IP6K2: variants seen among roughly 807,000 people sequenced by gnomAD.
The protein encoded by IP6K2 is inositol hexakisphosphate kinase 2, also known as ATP:1D-myo-inositol-hexakisphosphate phosphotransferase.
IP6K2 carries 9 observed loss-of-function variants against 43.3 expected under a neutral mutation model. The ratio of observed to expected loss-of-function variants is 0.21; its 90% CI spans 0.13 to 0.36. IP6K2 has a LOEUF of 0.36. Ranked by LOEUF, IP6K2 falls within the 10% of genes least tolerant of loss-of-function variation. The pLI, the probability that IP6K2 is intolerant of heterozygous loss-of-function variation, is 1.00. For synonymous variants in IP6K2, 209 were observed against 202.4 expected, an observed-to-expected ratio of 1.03 and a Z score of -0.28; for missense variants, 332 against 538.4, an observed-to-expected ratio of 0.62 and a Z score of 3.79.
At chr3:48,710,068 G>A (rs978089347) in intron 1 of IP6K2, among the ~76,000 whole-genome samples, 1 of 152,174 alleles carries the variant, frequency 6.6e-6, no homozygotes, top group African/African-American at 2.4e-5. Context: ...TGTGAGGAAA[G>A]CAGTGGATTC....
Position 48,688,365 on chromosome 3 carries a change from C to T in IP6K2, c.1189G>A (p.Val397Met), listed in dbSNP as rs767435418. The change falls in exon 6 of 6, where the codon GTG becomes ATG. Residue 397 changes from valine to methionine, a missense_variant. Coordinates refer to ENST00000328631, the MANE Select transcript of IP6K2 (RefSeq NM_016291.4). The surrounding 1 kb of genome is among the most constrained non-coding windows in gnomAD (Gnocchi z 5.1). ...TTCRLYGEDT[V>M]VHEGQDAGYI... Reference sequence around the variant, plus strand: ...CCAGCATCCTGGCCCTCATGCACCACGGTGTCCTCGCCATACAGCCTGCAG... The same window carrying T: ...CCAGCATCCTGGCCCTCATGCACCATGGTGTCCTCGCCATACAGCCTGCAG... 37 of 1,614,240 alleles carry T rather than the reference C, an allele frequency of 2.3e-5. No individual in the cohort carries two copies. The highest frequency in any genetic ancestry group is 3.3e-5 in the South Asian group (3 of 91,092).
intron 1 of IP6K2, among the ~76,000 whole-genome samples, chr3:48,704,400 C>T (rs760021430): frequency 2.8e-4 from 43 of 151,974 alleles, no homozygotes; most frequent in Non-Finnish European, 5.3e-4. Flanking sequence ...AATTGTATGA[C>T]GGACTATTAG....
chr3:48,710,674 A>G (rs1326826218), intron 1 of IP6K2, among the ~76,000 whole-genome samples: 3 of 150,944 alleles, frequency 2.0e-5, no homozygotes, highest in Admixed American at 2.0e-4. Context: ...CAGTGGCGGG[A>G]TCTCGGCTCA....
intron 1 of IP6K2, among the ~76,000 whole-genome samples, chr3:48,703,229 G>A (rs1559542520): frequency 6.6e-6 from 1 of 152,118 alleles, no homozygotes; most frequent in Non-Finnish European, 1.5e-5. Flanking sequence ...ATTCTCTCTT[G>A]TAGAAAATCA....
intron 1 of IP6K2, among the ~76,000 whole-genome samples, chr3:48,716,883 C>T (rs2081256552): frequency 6.6e-6 from 1 of 152,022 alleles, no homozygotes; most frequent in East Asian, 1.9e-4. Flanking sequence ...CCCCCAAACC[C>T]GGGAGACCCC....
intron 2 of IP6K2, chr3:48,693,533 G>A (rs190518747): frequency 3.5e-5 from 43 of 1,214,362 alleles, no homozygotes; most frequent in Admixed American, 1.1e-4. Context: ...TATAGTTTGC[G>A]GGAATTTTTA....
intron 1 of IP6K2, among the ~76,000 whole-genome samples, chr3:48,714,868 A>AG (rs1553654320): frequency 1.3e-5 from 2 of 151,022 alleles, no homozygotes; most frequent in South Asian, 2.1e-4. Context: ...AAAAAAAAAA[A>AG]GTAGGGCAGT....
At chr3:48,708,441 G>C (rs936987014) in intron 1 of IP6K2, among the ~76,000 whole-genome samples, 3 of 151,890 alleles carry the variant, frequency 2.0e-5, no homozygotes, top group Non-Finnish European at 4.4e-5. Context: ...ATGTTGCCCA[G>C]GCTGGCCTCA....
Position 48,688,271 on chromosome 3 carries a change from G to A in IP6K2, c.*2C>T, listed in dbSNP as rs762683829. The A allele has an allele frequency of 6.2e-7, 1 of 1,611,818 alleles. No individual in the cohort carries two copies. The highest frequency in any genetic ancestry group is 1.3e-5 in the African/African-American group (1 of 74,886). ...TCTCAAGTACTGGAGCAGCTAGCAA[G>A]CTCACTCCCCACTCTCCTCACTTAT... On this transcript the variant is annotated 3_prime_UTR_variant, in exon 6 of 6. Coordinates refer to ENST00000328631, the MANE Select transcript of IP6K2 (RefSeq NM_016291.4). The surrounding 1 kb of genome is among the most constrained non-coding windows in gnomAD (Gnocchi z 5.1).
At chr3:48,701,542 G>C (rs1221116043) in intron 1 of IP6K2, among the ~76,000 whole-genome samples, 1 of 124,182 alleles carries the variant, frequency 8.1e-6, no homozygotes, top group Non-Finnish European at 1.6e-5. Context: ...ACTCCAGCCT[G>C]GGCGACAAGA....
At chr3:48,690,682 G>T (rs61573738) in intron 4 of IP6K2, among the ~76,000 whole-genome samples, 1 of 151,866 alleles carries the variant, frequency 6.6e-6, no homozygotes, top group African/African-American at 2.4e-5. Flanking sequence ...CCAACTACTT[G>T]GGTGGCTGAG....
chr3:48,708,899 C>T (rs530036910), intron 1 of IP6K2, among the ~76,000 whole-genome samples: 18 of 152,246 alleles, frequency 1.2e-4, no homozygotes, highest in Admixed American at 9.2e-4. Flanking sequence ...ATAGTGAGAC[C>T]TTGTCTCTAC....
chr3:48,689,833 T>C, intron 4 of IP6K2, 120 bp from the exon 5 acceptor site: 1 of 756,468 alleles, frequency 1.3e-6, no homozygotes, highest in South Asian at 1.8e-5. Context: ...GGAGACTCCA[T>C]TAGTCCTGCC....
intron 1 of IP6K2, among the ~76,000 whole-genome samples, chr3:48,698,019 T>C (rs1289918214): frequency 6.6e-6 from 1 of 152,184 alleles, no homozygotes; most frequent in Non-Finnish European, 1.5e-5. Flanking sequence ...TACTTGGCAC[T>C]ACCTTCTCAT....
At chr3:48,715,898 T>G (rs960320255) in intron 1 of IP6K2, among the ~76,000 whole-genome samples, 7 of 151,756 alleles carry the variant, frequency 4.6e-5, no homozygotes, top group African/African-American at 1.7e-4. Context: ...AAAAAAAATT[T>G]TAAATGACAG....
At position 48,695,587 on chromosome 3, in the gene IP6K2, A is replaced by G. The variant is rs997498033; in HGVS notation, c.-130-166T>C. On this transcript the variant is annotated intron_variant, in intron 1 of 5. Transcript: ENST00000328631. This position sits in a 1 kb window ranked among gnomAD's most constrained non-coding sequence, Gnocchi z 4.6. The stretch of plus-strand genomic sequence containing the variant: ...GGCCCCCGCCTTCTCCGGCAGAAAA[A>G]CAAAAACACTATGAGCTCATGGGGC... The G allele has an allele frequency of 1.1e-6, 1 of 891,884 alleles. No homozygotes were observed. Among genetic ancestry groups the G allele is most frequent in the Non-Finnish European group, 1.5e-6 (1 of 668,346 alleles). The allele number at this position is 891,884 out of a possible 1,614,324, so 55.2% of individuals were successfully genotyped here. A position where few individuals can be genotyped will look rare whatever the true frequency, so the allele number is the denominator to read the frequency against.
chr3:48,716,013 A>G (rs1442532948), intron 1 of IP6K2, among the ~76,000 whole-genome samples: 2 of 152,072 alleles, frequency 1.3e-5, no homozygotes, highest in Non-Finnish European at 2.9e-5. Context: ...TCTAACTCTG[A>G]TAGTGGCTAA....
chr3:48,691,873 T>TG (rs1315871123), intron 3 of IP6K2, among the ~76,000 whole-genome samples: 64 of 152,270 alleles, frequency 4.2e-4, no homozygotes, highest in African/African-American at 1.4e-3. Flanking sequence ...TTTTTTGAGA[T>TG]GGAGTTTCGC....
Position 48,691,325 on chromosome 3 carries a change from T to C in IP6K2, c.586A>G (p.Lys196Glu). ...AGGATACTGTACTGGTTCCGATGCT[T>C]TGCATTCTCCTTCATTCTCTGTAAC... Reference protein sequence around the residue: ...QQLQRMKENAKHRNQYKFILL... With the variant: ...QQLQRMKENAEHRNQYKFILL... The change falls in exon 4 of 6, where the codon AAG (lysine) becomes GAG (glutamate). Residue 196 changes from lysine to glutamate, a missense_variant. Coordinates refer to ENST00000328631, the MANE Select transcript of IP6K2 (RefSeq NM_016291.4). The C allele has an allele frequency of 6.2e-7, 1 of 1,613,876 alleles. No homozygotes were observed. The highest frequency in any genetic ancestry group is 8.5e-7 in the Non-Finnish European group (1 of 1,179,812).
Sources: allele counts gnomAD v4.1 joint callset (sites outside exome capture counted in the v4.1 genomes callset), GRCh38; gene constraint gnomAD v4.1.1; non-coding constraint Gnocchi (gnomAD v3.1); transcripts MANE v1.5; gene names NCBI Gene and HGNC (gene_info 2026-07-23, HGNC 2026-07-21).